Variants in FAM13A observed in about 807,000 individuals in gnomAD.
FAM13A encodes the protein protein FAM13A.
Under a neutral mutation model 129.6 loss-of-function variants are expected in FAM13A, and 76 were observed. The ratio of observed to expected loss-of-function variants is 0.59; its 90% confidence interval spans 0.49 to 0.71. The LOEUF (loss-of-function observed/expected upper bound fraction) is 0.71, where lower values mean the gene tolerates loss of function less well. Among genes scored for constraint, FAM13A ranks in the 30% least tolerant of loss-of-function variants. FAM13A has a pLI of 0.00. For missense variants in FAM13A, 1,108 were observed against 1,249.3 expected, an observed-to-expected ratio of 0.89 and a Z score of 1.70; for synonymous variants, 443 against 449.9, an observed-to-expected ratio of 0.98 and a Z score of 0.20.
At chr4:89,002,176 CAAAA>C (rs11370599) in intron 3 of FAM13A, among the ~76,000 whole-genome samples, 4 of 115,670 alleles carry the variant, frequency 3.5e-5, no homozygotes, top group Non-Finnish European at 1.8e-5. Context: ...CACCCAACGG[CAAAA>C]AAAAAAAAAA....
intron 1 of FAM13A, among the ~76,000 whole-genome samples, chr4:89,051,574 C>T (rs1030233715): frequency 2.0e-5 from 3 of 152,180 alleles, no homozygotes; most frequent in Non-Finnish European, 4.4e-5. Flanking sequence ...AGCATCAACT[C>T]AAAAGTCTAA....
Position 88,873,634 on chromosome 4 carries a change from T to C in FAM13A, c.844-22451A>G, listed in dbSNP as rs562342315. On this transcript the variant is annotated intron_variant, in intron 6 of 23. Transcript: ENST00000264344. ...AATAGACCAATAACAGCCTCTGAAA[T>C]TGAGGCAATAATTAATAGCCTACCA... Among the ~76,000 whole-genome samples, 28 of 152,278 alleles carry C rather than the reference T, an allele frequency of 1.8e-4. No individual in the cohort carries two copies. The South Asian group carries it at 5.8e-3, about 32-fold the overall frequency.
chr4:88,931,356 T>C (rs1475324789), intron 5 of FAM13A, among the ~76,000 whole-genome samples: 2 of 151,968 alleles, frequency 1.3e-5, no homozygotes, highest in African/African-American at 4.8e-5. Flanking sequence ...GGTTGAGAGT[T>C]TTTCCTATAT....
chr4:88,997,805 A>T (rs1373980076), intron 3 of FAM13A, among the ~76,000 whole-genome samples: 2 of 152,184 alleles, frequency 1.3e-5, no homozygotes, highest in Non-Finnish European at 2.9e-5. Context: ...AACCATTAAG[A>T]CAACCAAAAT....
At chr4:88,797,227 A>G (rs75621874) in intron 8 of FAM13A, among the ~76,000 whole-genome samples, 1 of 149,876 alleles carries the variant, frequency 6.7e-6, no homozygotes. Flanking sequence ...TGGCTTTTCA[A>G]TCTCTGACTT....
At chr4:88,965,617 G>A (rs912426751) in intron 4 of FAM13A, among the ~76,000 whole-genome samples, 5 of 151,800 alleles carry the variant, frequency 3.3e-5, no homozygotes, top group African/African-American at 9.7e-5. Context: ...ATTTTTAAGC[G>A]TAGAGTTCAG....
chr4:89,001,316 T>C (rs1380141663), intron 3 of FAM13A, among the ~76,000 whole-genome samples: 2 of 152,242 alleles, frequency 1.3e-5, no homozygotes, highest in Non-Finnish European at 2.9e-5. Flanking sequence ...GGAGGCTTTG[T>C]GCTGCTGATT....
chr4:88,856,598 C>T (rs1738551134), intron 6 of FAM13A, among the ~76,000 whole-genome samples: 1 of 152,162 alleles, frequency 6.6e-6, no homozygotes. Context: ...ATCAGGTACT[C>T]TGAGAAGTGA....
chr4:88,927,051 C>T (rs1433008377), intron 5 of FAM13A, among the ~76,000 whole-genome samples: 1 of 152,016 alleles, frequency 6.6e-6, no homozygotes. Context: ...TTAATTCTAT[C>T]TTTGTTATCG....
chr4:88,866,372 G>A (rs566226692), intron 6 of FAM13A, among the ~76,000 whole-genome samples: 1 of 151,834 alleles, frequency 6.6e-6, no homozygotes, highest in Non-Finnish European at 1.5e-5. Context: ...AGTAGAGACA[G>A]GGTTTTGCCA....
intron 19 of FAM13A, among the ~76,000 whole-genome samples, 187 bp downstream of exon 19, chr4:88,746,745 T>A (rs960622308): frequency 6.6e-6 from 1 of 152,186 alleles, no homozygotes; most frequent in Admixed American, 6.5e-5. Context: ...ATCTACTAGA[T>A]AGAACTTTCT....
intron 2 of FAM13A, among the ~76,000 whole-genome samples, chr4:89,023,136 T>C (rs1460729179): frequency 6.6e-6 from 1 of 152,260 alleles, no homozygotes; most frequent in Non-Finnish European, 1.5e-5. Flanking sequence ...ACGATACGCC[T>C]TTCCCTTAAG....
chr4:88,758,186 C>T (rs559480849), intron 14 of FAM13A, among the ~76,000 whole-genome samples: 1 of 152,072 alleles, frequency 6.6e-6, no homozygotes, highest in African/African-American at 2.4e-5. Context: ...GGAAAAAAAA[C>T]CAATCTAAAG....
chr4:88,771,015 T>G (rs533376665), intron 11 of FAM13A, among the ~76,000 whole-genome samples: 23 of 152,322 alleles, frequency 1.5e-4, no homozygotes, highest in African/African-American at 5.5e-4. Flanking sequence ...TGTGCACATT[T>G]GAGACTGCTG....
intron 7 of FAM13A, among the ~76,000 whole-genome samples, chr4:88,806,632 C>G (rs1728618072): frequency 6.6e-6 from 1 of 152,090 alleles, no homozygotes; most frequent in African/African-American, 2.4e-5. Flanking sequence ...TTCTAATGCC[C>G]ATGTTGCCAA....
At chr4:88,882,987 T>C (rs1234098332) in intron 6 of FAM13A, among the ~76,000 whole-genome samples, 1 of 152,122 alleles carries the variant, frequency 6.6e-6, no homozygotes, top group East Asian at 1.9e-4. Context: ...TAAATGTATC[T>C]ACCACTGGAG....
intron 4 of FAM13A, among the ~76,000 whole-genome samples, chr4:88,987,122 A>G (rs1243539114): frequency 6.6e-6 from 1 of 152,230 alleles, no homozygotes; most frequent in African/African-American, 2.4e-5. Flanking sequence ...AGGGACTCCC[A>G]CAACTGCCAA....
chr4:88,950,258 A>C (rs1407426911), intron 4 of FAM13A, among the ~76,000 whole-genome samples: 1 of 148,848 alleles, frequency 6.7e-6, no homozygotes, highest in Non-Finnish European at 1.5e-5. Context: ...CCCAGGCTGG[A>C]GTGGTGATCA....
rs1383665227 is a variant in FAM13A at position 88,794,987 on chromosome 4, C to T, written c.1050-4360G>A. ...TTAAATTTTGTTCATAATTTTAGTG[C>T]ATTCTTCATAGTGTCATACATTAAA... On this transcript the variant is annotated intron_variant, in intron 8 of 23. Coordinates refer to ENST00000264344, the MANE Select transcript of FAM13A (RefSeq NM_014883.4). Among the ~76,000 whole-genome samples the T allele has an allele frequency of 4.6e-5, 7 of 151,724 alleles. No individual in the cohort carries two copies. In the East Asian group the frequency reaches 7.7e-4, roughly 17 times the overall value.
Sources: gnomAD v4.1 joint callset for allele counts (sites outside exome capture counted in the v4.1 genomes callset) on GRCh38, gnomAD v4.1.1 for gene constraint, MANE v1.5 for transcripts, NCBI Gene and HGNC (gene_info 2026-07-23, HGNC 2026-07-21) for gene names.